PARD3B: variants seen among roughly 807,000 people sequenced by gnomAD.
PARD3B encodes par-3 family cell polarity regulator beta.
Under a neutral mutation model 130.2 loss-of-function variants are expected in PARD3B, and 103 were observed. The observed-to-expected ratio is 0.79, with a 90% CI of 0.67 to 0.93. The LOEUF is 0.93. PARD3B is among the 40% of genes least tolerant of loss of function. The pLI, the probability that PARD3B is intolerant of heterozygous loss-of-function variation, is 0.00. For synonymous variants in PARD3B, 583 were observed against 553.2 expected, an observed-to-expected ratio of 1.05 and a Z score of -0.76; for missense variants, 1,609 against 1,499.2, an observed-to-expected ratio of 1.07 and a Z score of -1.21.
Position 204,661,457 on chromosome 2 carries a change from G to C in PARD3B, c.121-24724G>C, listed in dbSNP as rs142051170. Among the ~76,000 whole-genome samples, 9 of 152,062 alleles carry C rather than the reference G, an allele frequency of 5.9e-5. No individual in the cohort carries two copies. The East Asian group carries it at 1.7e-3, about 29-fold the overall frequency. On this transcript the variant is annotated intron_variant, in intron 1 of 22. Transcript: ENST00000406610. The stretch of plus-strand genomic sequence containing the variant: ...ATATCTAAACAAGACATTTAATATT[G>C]AAACCAAGTACCTCATGACCAGAGG...
chr2:205,471,164 A>C (rs972832332), intron 20 of PARD3B, among the ~76,000 whole-genome samples: 1 of 152,154 alleles, frequency 6.6e-6, no homozygotes, highest in African/African-American at 2.4e-5. Flanking sequence ...TCTTGGGCAC[A>C]GTTTCCTAGA....
chr2:205,519,943 T>C (rs1162128207), intron 21 of PARD3B, among the ~76,000 whole-genome samples: 1 of 152,140 alleles, frequency 6.6e-6, no homozygotes, highest in African/African-American at 2.4e-5. Context: ...GTTTTGTGGC[T>C]TCCCCTGTGT....
intron 2 of PARD3B, among the ~76,000 whole-genome samples, chr2:204,695,256 A>T (rs575706010): frequency 2.6e-3 from 399 of 151,182 alleles, no homozygotes; most frequent in Non-Finnish European, 4.6e-3. Flanking sequence ...TGGGACCATT[A>T]TTTTTTTTTA....
At chr2:204,699,371 T>C (rs1331832428) in intron 2 of PARD3B, among the ~76,000 whole-genome samples, 1 of 152,162 alleles carries the variant, frequency 6.6e-6, no homozygotes, top group Non-Finnish European at 1.5e-5. Flanking sequence ...CTTTACATTG[T>C]GACATTGAAA....
At chr2:204,721,405 G>T (rs918349135) in intron 2 of PARD3B, among the ~76,000 whole-genome samples, 1 of 152,152 alleles carries the variant, frequency 6.6e-6, no homozygotes, top group East Asian at 1.9e-4. Flanking sequence ...CGTTTCAGAG[G>T]CTGGAGGGGC....
intron 1 of PARD3B, 88 bp downstream of exon 1, chr2:204,546,207 A>G (rs2029923075): frequency 6.6e-7 from 1 of 1,516,898 alleles, no homozygotes; most frequent in Non-Finnish European, 8.9e-7. Flanking sequence ...GGATGCAGAA[A>G]ACCCAGGGGA....
At chr2:204,972,664 C>G (rs929661720) in intron 3 of PARD3B, among the ~76,000 whole-genome samples, 2 of 152,024 alleles carry the variant, frequency 1.3e-5, no homozygotes, top group African/African-American at 4.8e-5. Flanking sequence ...AAACCAAGCT[C>G]TCATTTTTGT....
At chr2:205,464,591 A>G (rs1350424383) in intron 20 of PARD3B, among the ~76,000 whole-genome samples, 1 of 152,202 alleles carries the variant, frequency 6.6e-6, no homozygotes, top group African/African-American at 2.4e-5. Flanking sequence ...TATTCTACCT[A>G]TTGAAAAAAT....
At chr2:204,892,752 G>A (rs1221923425) in intron 2 of PARD3B, among the ~76,000 whole-genome samples, 1 of 152,128 alleles carries the variant, frequency 6.6e-6, no homozygotes, top group East Asian at 1.9e-4. Flanking sequence ...TAGATGTGGG[G>A]AAACAAAAGG....
chr2:204,989,853 G>T (rs1693496534), intron 3 of PARD3B, among the ~76,000 whole-genome samples: 1 of 151,870 alleles, frequency 6.6e-6, no homozygotes, highest in Non-Finnish European at 1.5e-5. Context: ...TTATTTCCAG[G>T]TTTTTGCTCT....
chr2:205,236,423 G>A (rs2039064643), intron 15 of PARD3B, among the ~76,000 whole-genome samples: 2 of 258 alleles, frequency 7.8e-3, no homozygotes, highest in South Asian at 0.14. Flanking sequence ...TTGAATTGAT[G>A]TAAAAATTTG....
intron 20 of PARD3B, among the ~76,000 whole-genome samples, chr2:205,444,287 CA>C (rs1220027935): frequency 6.6e-6 from 1 of 151,976 alleles, no homozygotes; most frequent in African/African-American, 2.4e-5. Context: ...CCGGCCTCTA[CA>C]AAAGTTTTTT....
At chr2:205,498,937 C>T (rs1184551205) in intron 20 of PARD3B, among the ~76,000 whole-genome samples, 2 of 152,186 alleles carry the variant, frequency 1.3e-5, no homozygotes, top group African/African-American at 4.8e-5. Context: ...CTGTATCCCT[C>T]TCTGTCCCCT....
chr2:205,505,991 AG>A (rs2050347789), intron 21 of PARD3B, among the ~76,000 whole-genome samples: 1 of 152,164 alleles, frequency 6.6e-6, no homozygotes, highest in Admixed American at 6.5e-5. Flanking sequence ...AAAAAGTGGG[AG>A]TTAAAACATC....
At chr2:204,703,224 C>T (rs1403379455) in intron 2 of PARD3B, among the ~76,000 whole-genome samples, 2 of 152,132 alleles carry the variant, frequency 1.3e-5, no homozygotes, top group African/African-American at 4.8e-5. Context: ...TCTCCAAAGC[C>T]AGAGTTCTTA....
intron 5 of PARD3B, among the ~76,000 whole-genome samples, chr2:205,109,650 CTTTTTTTTTTTT>C (rs35545106): frequency 2.9e-5 from 2 of 69,316 alleles, no homozygotes; most frequent in African/African-American, 1.1e-4. Context: ...AATACCTAAT[CTTTTTTTTTTTT>C]TTTTTTTTTG....
At chr2:205,064,224 C>T (rs963854619) in intron 4 of PARD3B, among the ~76,000 whole-genome samples, 3 of 151,976 alleles carry the variant, frequency 2.0e-5, no homozygotes, top group Non-Finnish European at 4.4e-5. Flanking sequence ...TGAAGAATGG[C>T]ACATGTAATT....
intron 18 of PARD3B, among the ~76,000 whole-genome samples, chr2:205,365,029 G>A (rs186231804): frequency 2.0e-5 from 3 of 151,904 alleles, no homozygotes; most frequent in East Asian, 1.9e-4. Context: ...GTGAAACCCC[G>A]TCTCTACTAA....
intron 1 of PARD3B, among the ~76,000 whole-genome samples, chr2:204,546,963 A>C (rs2125037489): frequency 6.6e-6 from 1 of 152,338 alleles, no homozygotes; most frequent in South Asian, 2.1e-4. Flanking sequence ...TTTTAAAGGA[A>C]GGCATTGAAT....
Sources: allele counts gnomAD v4.1 joint callset (sites outside exome capture counted in the v4.1 genomes callset), GRCh38; gene constraint gnomAD v4.1.1; transcripts MANE v1.5; gene names NCBI Gene and HGNC (gene_info 2026-07-23, HGNC 2026-07-21).